The following EFCAB6 variants were observed in gnomAD, a reference collection of about 807,000 sequenced individuals.
EFCAB6 encodes EF-hand calcium-binding domain-containing protein 6.
A neutral mutation model predicts 169.8 loss-of-function variants in EFCAB6; 156 were observed. The ratio of observed to expected loss-of-function variants is 0.92; its 90% CI spans 0.81 to 1.05. EFCAB6 has a LOEUF of 1.05. Ranked by LOEUF, EFCAB6 falls within the 50% of genes least tolerant of loss-of-function variation. EFCAB6 has a pLI of 0.00. For synonymous variants in EFCAB6, 698 were observed against 676.4 expected (o/e 1.03, Z -0.50); for missense variants, 1,800 against 1,829.1 (o/e 0.98, Z 0.29).
intron 17 of EFCAB6, among the ~76,000 whole-genome samples, chr22:43,638,969 G>A (rs1373081481): frequency 6.6e-6 from 1 of 151,778 alleles, no homozygotes; most frequent in East Asian, 1.9e-4. Flanking sequence ...ATTTTTAGTA[G>A]AGATGGGGTT....
chr22:43,687,464 T>C lies in EFCAB6; in HGVS notation c.1142+7A>G, dbSNP rs773543049. 7.7e-6 allele frequency: 11 copies of C among 1,422,348 alleles called. No homozygotes were observed. The South Asian group carries it at 1.4e-4, about 18-fold the overall frequency. The allele number at this position is 1,422,348 out of a possible 1,614,324, so 88.1% of individuals were successfully genotyped here. Reference sequence around the variant, plus strand: ...TAAAATTTGTTTTTTTTTTTTTTTTTACATACCTATTTCTTTTTGTCAGGG... The same window carrying C: ...TAAAATTTGTTTTTTTTTTTTTTTTCACATACCTATTTCTTTTTGTCAGGG... On this transcript the variant is annotated splice_region_variant and intron_variant, in intron 11 of 31. Coordinates refer to ENST00000262726, the MANE Select transcript of EFCAB6 (RefSeq NM_022785.4).
At chr22:43,704,733 C>T (rs1320636501) in intron 10 of EFCAB6, among the ~76,000 whole-genome samples, 1 of 151,776 alleles carries the variant, frequency 6.6e-6, no homozygotes, top group Non-Finnish European at 1.5e-5. Context: ...CTCATGGTAA[C>T]AACAAAACAA....
At chr22:43,593,618 G>C (rs1196075487) in intron 23 of EFCAB6, among the ~76,000 whole-genome samples, 1 of 152,134 alleles carries the variant, frequency 6.6e-6, no homozygotes, top group East Asian at 1.9e-4. Flanking sequence ...CAGTAACTTA[G>C]ACGTAATTCA....
At chr22:43,701,151 C>T (rs1052982841) in intron 10 of EFCAB6, among the ~76,000 whole-genome samples, 4 of 152,146 alleles carry the variant, frequency 2.6e-5, no homozygotes, top group Non-Finnish European at 4.4e-5. Context: ...GGTTTTCTGA[C>T]TCCACCACTT....
intron 29 of EFCAB6, 132 bp from the exon 30 acceptor site, chr22:43,535,004 C>G: frequency 1.1e-6 from 1 of 907,150 alleles, no homozygotes; most frequent in Non-Finnish European, 1.7e-6. Context: ...AAAGAACTCA[C>G]GGTTGGTGGC....
intron 26 of EFCAB6, 45 bp from the exon 27 acceptor site, chr22:43,555,141 A>T: frequency 1.2e-6 from 2 of 1,600,682 alleles, no homozygotes; most frequent in Admixed American, 1.7e-5. Context: ...GAAATAATCG[A>T]CCACCTCTTG....
chr22:43,550,074 A>G (rs1166458306), intron 27 of EFCAB6, among the ~76,000 whole-genome samples: 3 of 152,152 alleles, frequency 2.0e-5, no homozygotes, highest in African/African-American at 7.2e-5. Flanking sequence ...GTCAGGAAGG[A>G]GGAGTAGGCA....
At chr22:43,645,353 G>A (rs757850874) in intron 17 of EFCAB6, among the ~76,000 whole-genome samples, 1 of 152,192 alleles carries the variant, frequency 6.6e-6, no homozygotes, top group Non-Finnish European at 1.5e-5. Flanking sequence ...AAAAAAGTAC[G>A]CAAGTCCAAG....
At chr22:43,585,017 G>T (rs1254419045) in intron 24 of EFCAB6, among the ~76,000 whole-genome samples, 1 of 152,034 alleles carries the variant, frequency 6.6e-6, no homozygotes, top group East Asian at 1.9e-4. Flanking sequence ...AATCTCTAAA[G>T]GCTTATATAC....
intron 10 of EFCAB6, among the ~76,000 whole-genome samples, chr22:43,704,021 A>G (rs753854505): frequency 1.4e-4 from 21 of 152,298 alleles, no homozygotes; most frequent in Admixed American, 6.5e-4. Context: ...GGAAGCACAG[A>G]GGTCTCTAAT....
rs767795537 is a variant in EFCAB6 at position 43,632,168 on chromosome 22, G to A, written c.2169C>T (p.Ser723=). 3 of 1,614,196 alleles carry A rather than the reference G, an allele frequency of 1.9e-6. No homozygotes were observed. Among genetic ancestry groups the A allele is most frequent in the Admixed American group, 3.3e-5 (2 of 60,026 alleles). The change falls in exon 19 of 32, where the codon AGC becomes AGT. Residue 723 remains serine, a synonymous_variant. Coordinates refer to ENST00000262726, the MANE Select transcript of EFCAB6 (RefSeq NM_022785.4). ...PPTPSKSYVN[S]HFITAEECLK... is the part of the protein sequence containing the mutation. ...GGCATTCTTCTGCGGTGATAAAGTG[G>A]CTGTTCACGTAACTTTTTGAAGGAG...
At chr22:43,606,474 C>T (rs1176990526) in intron 22 of EFCAB6, among the ~76,000 whole-genome samples, 2 of 152,222 alleles carry the variant, frequency 1.3e-5, no homozygotes, top group South Asian at 2.1e-4. Flanking sequence ...CTGCATGCCA[C>T]GCCCTGGGCT....
At chr22:43,575,209 G>C (rs1009813093) in intron 26 of EFCAB6, among the ~76,000 whole-genome samples, 1 of 151,714 alleles carries the variant, frequency 6.6e-6, no homozygotes, top group South Asian at 2.1e-4. Flanking sequence ...TGTTTGTTTT[G>C]AGACAGAGTC....
intron 26 of EFCAB6, among the ~76,000 whole-genome samples, chr22:43,555,478 G>C (rs1347932808): frequency 6.6e-6 from 1 of 152,238 alleles, no homozygotes; most frequent in African/African-American, 2.4e-5. Flanking sequence ...GCCAGGGAAT[G>C]AACAGGGATT....
intron 20 of EFCAB6, among the ~76,000 whole-genome samples, chr22:43,616,320 T>G (rs1301856954): frequency 1.3e-5 from 2 of 152,140 alleles, no homozygotes; most frequent in Non-Finnish European, 2.9e-5. Context: ...TGAGAAACAT[T>G]GGGGGAACTT....
Position 43,576,477 on chromosome 22 carries a change from T to C in EFCAB6, c.3240A>G (p.Ala1080=), listed in dbSNP as rs779871032. ...SQLALSTAFS[A]LDKEDTGFVK... Reference sequence around the variant, plus strand: ...CAAATCCTGTATCCTCTTTATCCAATGCAGAAAATGCCTAAAAAGAAAGAA... The same window carrying C: ...CAAATCCTGTATCCTCTTTATCCAACGCAGAAAATGCCTAAAAAGAAAGAA... The change falls in exon 26 of 32, where the codon GCA becomes GCG. Residue 1080 remains alanine, a synonymous_variant. Transcript: ENST00000262726. 2.6e-6 allele frequency: 4 copies of C among 1,533,836 alleles called. No individual in the cohort carries two copies. The highest frequency in any genetic ancestry group is 1.3e-5 in the South Asian group (1 of 78,320).
intron 23 of EFCAB6, among the ~76,000 whole-genome samples, chr22:43,594,336 A>G (rs2051831305): frequency 6.6e-6 from 1 of 151,746 alleles, no homozygotes; most frequent in Non-Finnish European, 1.5e-5. Context: ...ATTTGAAGGT[A>G]GACAAAAAGT....
chr22:43,640,097 C>A (rs1353639998), intron 17 of EFCAB6, among the ~76,000 whole-genome samples: 1 of 151,998 alleles, frequency 6.6e-6, no homozygotes, highest in Non-Finnish European at 1.5e-5. Flanking sequence ...ACTTTAAAGT[C>A]TTTGAGTGTT....
intron 17 of EFCAB6, among the ~76,000 whole-genome samples, chr22:43,661,149 A>G (rs544115169): frequency 1.3e-5 from 2 of 152,114 alleles, no homozygotes; most frequent in Non-Finnish European, 2.9e-5. Flanking sequence ...CCAACACAGG[A>G]GGATTTCTTG....
Sources: gnomAD v4.1 joint callset for allele counts (sites outside exome capture counted in the v4.1 genomes callset) on GRCh38, gnomAD v4.1.1 for gene constraint, MANE v1.5 for transcripts, NCBI Gene and HGNC (gene_info 2026-07-23, HGNC 2026-07-21) for gene names.